ASTN2: variants seen among roughly 807,000 people sequenced by gnomAD.
The protein encoded by ASTN2 is astrotactin 2.
Under a neutral mutation model 139.8 loss-of-function variants are expected in ASTN2, and 54 were observed. The observed-to-expected ratio is 0.39, with a 90% CI of 0.31 to 0.48. The LOEUF (loss-of-function observed/expected upper bound fraction) is 0.48, where lower values mean the gene tolerates loss of function less well. Ranked by LOEUF, ASTN2 falls within the 20% of genes least tolerant of loss-of-function variation. The probability of loss-of-function intolerance (pLI) is 0.95; values close to 1 mark genes in which losing one functional copy is unlikely to be tolerated. For synonymous variants in ASTN2, 756 were observed against 719.5 expected (o/e 1.05, Z -0.81); for missense variants, 1,565 against 1,725.1 (o/e 0.91, Z 1.64).
At position 116,458,234 on chromosome 9, in the gene ASTN2, G is replaced by A. The variant is rs11535504; in HGVS notation, c.3498-15681C>T. ...CTAGGAAGGGCAGTGGAGAAGAAGG[G>A]GAAAAGAGGGGTTGGTTAATAGGCA... On this transcript the variant is annotated intron_variant, in intron 20 of 22. Coordinates refer to ENST00000313400, the MANE Select transcript of ASTN2 (RefSeq NM_001365068.1). 8.8e-3 allele frequency among the ~76,000 whole-genome samples: 1,332 copies of A among 151,228 alleles called. 28 individuals are homozygous for A. Among genetic ancestry groups the A allele is most frequent in the South Asian group, 0.045 (217 of 4,794 alleles).
At chr9:117,171,935 C>A (rs1291640710) in intron 3 of ASTN2, among the ~76,000 whole-genome samples, 1 of 151,906 alleles carries the variant, frequency 6.6e-6, no homozygotes, top group Non-Finnish European at 1.5e-5. Flanking sequence ...TAAGGGGACA[C>A]TATATCGTAA....
intron 17 of ASTN2, among the ~76,000 whole-genome samples, chr9:116,637,614 C>A (rs1234442752): frequency 1.3e-5 from 2 of 152,008 alleles, no homozygotes; most frequent in Non-Finnish European, 2.9e-5. Context: ...ACTACAAGGA[C>A]AAGAAATGTA....
chr9:116,834,450 T>C (rs1831922911), intron 11 of ASTN2, among the ~76,000 whole-genome samples: 1 of 152,210 alleles, frequency 6.6e-6, no homozygotes, highest in Non-Finnish European at 1.5e-5. Flanking sequence ...TGTTAGATTT[T>C]ACCTCACACA....
At chr9:117,182,651 A>T (rs1485018402) in intron 3 of ASTN2, among the ~76,000 whole-genome samples, 1 of 152,176 alleles carries the variant, frequency 6.6e-6, no homozygotes, top group Non-Finnish European at 1.5e-5. Flanking sequence ...TCCTTGTATA[A>T]GCAATCACTT....
Position 116,423,846 on chromosome 9 carries a change from G to T in ASTN2, c.*2005C>A, listed in dbSNP as rs1480587092. On this transcript the variant is annotated 3_prime_UTR_variant, in exon 23 of 23. Coordinates refer to ENST00000313400, the MANE Select transcript of ASTN2 (RefSeq NM_001365068.1). ...TCAATATGTAGGTTATCAGGAAGGG[G>T]ATTGTCAATCTCATCAACATTTGCC... 6.6e-6 allele frequency among the ~76,000 whole-genome samples: 1 copy of T among 152,148 alleles called. No homozygotes were observed. Among genetic ancestry groups the T allele is most frequent in the East Asian group, 1.9e-4 (1 of 5,186 alleles).
chr9:116,423,704 G>A lies in ASTN2; in HGVS notation c.*2147C>T, dbSNP rs185030082. Among the ~76,000 whole-genome samples the A allele has an allele frequency of 2.6e-5, 4 of 152,202 alleles. No homozygotes were observed. In the East Asian group the frequency reaches 7.7e-4, roughly 29 times the overall value. On this transcript the variant is annotated 3_prime_UTR_variant, in exon 23 of 23. Coordinates refer to ENST00000313400, the MANE Select transcript of ASTN2 (RefSeq NM_001365068.1). The stretch of plus-strand genomic sequence containing the variant: ...GAAAGAGTGCCTTAGAGCTTAGATT[G>A]TGAGAGGTTGAGAAGCTTCCCAGGC...
rs190041364 is a variant in ASTN2, at chr9:117,297,202, C to T, written c.443-5689G>A. ...CCCTCCAGCAGATTATTTGCTGAAG[C>T]CCAGAGAAAGCTTCCAATGAGTTTG... is the stretch of plus-strand genomic sequence containing the variant. On this transcript the variant is annotated intron_variant, in intron 1 of 22. Transcript: ENST00000313400. Among the ~76,000 whole-genome samples the T allele has an allele frequency of 4.2e-3, 633 of 152,302 alleles. 2 individuals are homozygous for T. Among genetic ancestry groups the T allele is most frequent in the Non-Finnish European group, 7.7e-3 (527 of 68,030 alleles).
At chr9:116,994,550 A>C (rs1277736995) in intron 7 of ASTN2, among the ~76,000 whole-genome samples, 2 of 152,226 alleles carry the variant, frequency 1.3e-5, no homozygotes, top group African/African-American at 4.8e-5. Flanking sequence ...AATGCTCTAT[A>C]TCTCTCCAAT....
chr9:116,698,755 C>T lies in ASTN2; in HGVS notation c.2806+27016G>A. 6.2e-7 allele frequency: 1 copy of T among 1,614,202 alleles called. No individual in the cohort carries two copies. Among genetic ancestry groups the T allele is most frequent in the Non-Finnish European group, 8.5e-7 (1 of 1,180,044 alleles). On this transcript the variant is annotated intron_variant, in intron 16 of 22. Coordinates refer to ENST00000313400, the MANE Select transcript of ASTN2 (RefSeq NM_001365068.1). This position sits in a 1 kb window ranked among gnomAD's most constrained non-coding sequence, Gnocchi z 4.4. Reference sequence around the variant, plus strand: ...GAGGAAGTGGTTGCCAGCCCTAGGGCCTCACCTGCTAAACAGCGGGGTCCT... The same window carrying T: ...GAGGAAGTGGTTGCCAGCCCTAGGGTCTCACCTGCTAAACAGCGGGGTCCT...
intron 19 of ASTN2, among the ~76,000 whole-genome samples, chr9:116,563,236 G>A (rs1853010414): frequency 6.6e-6 from 1 of 151,754 alleles, no homozygotes; most frequent in South Asian, 2.1e-4. Context: ...TTAGCCGGGT[G>A]CGGGGGTGGG....
intron 16 of ASTN2, among the ~76,000 whole-genome samples, chr9:116,676,049 T>C (rs905368269): frequency 6.6e-6 from 1 of 152,216 alleles, no homozygotes; most frequent in African/African-American, 2.4e-5. Context: ...ATCTTGTCTA[T>C]GGTTCCATAA....
At chr9:117,009,001 A>T (rs539289131) in intron 6 of ASTN2, among the ~76,000 whole-genome samples, 2 of 152,306 alleles carry the variant, frequency 1.3e-5, no homozygotes, top group African/African-American at 4.8e-5. Flanking sequence ...CACCCAAGAA[A>T]AAAATGCCCT....
chr9:116,923,348 T>C (rs1381088730), intron 10 of ASTN2, among the ~76,000 whole-genome samples: 1 of 152,170 alleles, frequency 6.6e-6, no homozygotes, highest in African/African-American at 2.4e-5. Context: ...CAGGTTTGGG[T>C]TGATCATGGT....
intron 1 of ASTN2, among the ~76,000 whole-genome samples, chr9:117,340,725 T>C (rs1829040555): frequency 6.6e-6 from 1 of 152,176 alleles, no homozygotes; most frequent in African/African-American, 2.4e-5. Flanking sequence ...AAAGGCACCA[T>C]GTTGCTCTTT....
At chr9:117,300,338 T>C (rs1834844783) in intron 1 of ASTN2, among the ~76,000 whole-genome samples, 1 of 152,230 alleles carries the variant, frequency 6.6e-6, no homozygotes, top group Non-Finnish European at 1.5e-5. Context: ...TAATTCATAG[T>C]AGAAGGCGAT....
rs146059179 is a variant in ASTN2 at position 117,341,385 on chromosome 9, C to T, written c.443-49872G>A. Among the ~76,000 whole-genome samples the T allele has an allele frequency of 4.9e-4, 75 of 152,212 alleles. No homozygotes were observed. The East Asian group carries it at 0.013, about 27-fold the overall frequency. ...ACAGACAGATGGTGAGAGACATAGA[C>T]AGACACAGCCTCTAAGCTAGGGGCA... On this transcript the variant is annotated intron_variant, in intron 1 of 22. Transcript: ENST00000313400.
chr9:117,109,285 AAATT>A (rs142136810), intron 4 of ASTN2, among the ~76,000 whole-genome samples: 23,549 of 151,558 alleles, frequency 0.16, 2,028 homozygotes, highest in East Asian at 0.2. Context: ...CTGTCTCAAA[AAATT>A]AATTAATAAA....
At chr9:116,529,921 A>C (rs1372817649) in intron 19 of ASTN2, among the ~76,000 whole-genome samples, 1 of 151,750 alleles carries the variant, frequency 6.6e-6, no homozygotes, top group Non-Finnish European at 1.5e-5. Flanking sequence ...ACCCAGTCTC[A>C]GGTAGTTCTT....
At chr9:117,285,015 C>T (rs1192307666) in intron 2 of ASTN2, among the ~76,000 whole-genome samples, 1 of 152,218 alleles carries the variant, frequency 6.6e-6, no homozygotes, top group African/African-American at 2.4e-5. Flanking sequence ...CAAGTACAAT[C>T]ACACTAAGCA....
Sources: gnomAD v4.1 joint callset for allele counts (sites outside exome capture counted in the v4.1 genomes callset) on GRCh38, gnomAD v4.1.1 for gene constraint, Gnocchi (gnomAD v3.1) non-coding constraint, MANE v1.5 for transcripts, NCBI Gene and HGNC (gene_info 2026-07-23, HGNC 2026-07-21) for gene names.